Variants in PARD3B observed in about 807,000 individuals in gnomAD.
PARD3B encodes par-3 family cell polarity regulator beta.
Under a neutral mutation model 130.2 loss-of-function variants are expected in PARD3B, and 103 were observed. The ratio of observed to expected loss-of-function variants is 0.79; its 90% CI spans 0.67 to 0.93. PARD3B has a LOEUF of 0.93. Ranked by LOEUF, PARD3B falls within the 40% of genes least tolerant of loss-of-function variation. The probability of loss-of-function intolerance (pLI) is 0.00; values close to 1 mark genes in which losing one functional copy is unlikely to be tolerated. For missense variants in PARD3B, 1,609 were observed against 1,499.2 expected, an observed-to-expected ratio of 1.07 and a Z score of -1.21; for synonymous variants, 583 against 553.2, an observed-to-expected ratio of 1.05 and a Z score of -0.76.
At chr2:204,569,736 T>C (rs2031879109) in intron 1 of PARD3B, among the ~76,000 whole-genome samples, 1 of 152,188 alleles carries the variant, frequency 6.6e-6, no homozygotes, top group Admixed American at 6.5e-5. Context: ...CTTTAGATTG[T>C]CCCATGCAGT....
chr2:204,867,526 G>C (rs1372513476), intron 2 of PARD3B, among the ~76,000 whole-genome samples: 1 of 152,170 alleles, frequency 6.6e-6, no homozygotes, highest in Admixed American at 6.6e-5. Flanking sequence ...GCTGTATATA[G>C]TATTTTTATT....
At chr2:205,344,759 T>G (rs1438258798) in intron 18 of PARD3B, among the ~76,000 whole-genome samples, 1 of 152,220 alleles carries the variant, frequency 6.6e-6, no homozygotes. Flanking sequence ...TTTTAGGGCA[T>G]TTTGCCCTCA....
intron 21 of PARD3B, among the ~76,000 whole-genome samples, chr2:205,541,284 G>A (rs1178081125): frequency 1.0e-4 from 15 of 148,984 alleles, no homozygotes; most frequent in African/African-American, 3.7e-4. Flanking sequence ...CTCTTTCCCT[G>A]TCTACACCCC....
At position 204,689,973 on chromosome 2, in the gene PARD3B, G is replaced by A. The variant is rs187740572; in HGVS notation, c.222+3691G>A. On this transcript the variant is annotated intron_variant, in intron 2 of 22. Transcript: ENST00000406610. This position sits in a 1 kb window ranked among gnomAD's most constrained non-coding sequence, Gnocchi z 5.2. ...GGTTGGTAATAGACCAAACTGTTGAGTATAACAAAACAGTTGAGTATACAA... is the reference window on the plus strand; with the variant it reads ...GGTTGGTAATAGACCAAACTGTTGAATATAACAAAACAGTTGAGTATACAA... Among the ~76,000 whole-genome samples the A allele has an allele frequency of 3.5e-3, 532 of 152,188 alleles. 3 individuals are homozygous for A. The highest frequency in any genetic ancestry group is 0.012 in the African/African-American group (518 of 41,520).
intron 15 of PARD3B, among the ~76,000 whole-genome samples, chr2:205,215,336 A>C (rs139289701): frequency 6.6e-6 from 1 of 151,934 alleles, no homozygotes; most frequent in African/African-American, 2.4e-5. Context: ...AAATGCCAAC[A>C]TTCTTAAAAT....
intron 3 of PARD3B, among the ~76,000 whole-genome samples, chr2:205,044,110 T>A (rs1191048878): frequency 6.6e-6 from 1 of 152,108 alleles, no homozygotes; most frequent in East Asian, 1.9e-4. Flanking sequence ...TCCAATTTGA[T>A]CCATGTCCCT....
chr2:205,378,915 C>T (rs2045190709), intron 18 of PARD3B, among the ~76,000 whole-genome samples: 1 of 151,908 alleles, frequency 6.6e-6, no homozygotes, highest in Admixed American at 6.6e-5. Flanking sequence ...CAGGTGTGAG[C>T]CACCATGCCT....
intron 18 of PARD3B, among the ~76,000 whole-genome samples, chr2:205,357,407 T>G (rs974506647): frequency 6.6e-6 from 1 of 152,160 alleles, no homozygotes; most frequent in Non-Finnish European, 1.5e-5. Flanking sequence ...TCTGTCTGGC[T>G]TAGAAACATT....
At chr2:205,521,009 A>T (rs993648015) in intron 21 of PARD3B, among the ~76,000 whole-genome samples, 2 of 151,016 alleles carry the variant, frequency 1.3e-5, no homozygotes, top group African/African-American at 4.9e-5. Flanking sequence ...GATACTAATT[A>T]TCTAGTATGA....
chr2:204,909,494 A>G (rs148018993), intron 2 of PARD3B, among the ~76,000 whole-genome samples: 1 of 152,344 alleles, frequency 6.6e-6, no homozygotes, highest in Non-Finnish European at 1.5e-5. Context: ...ATAGATAAAT[A>G]TAAAGTTCAA....
Position 204,545,944 on chromosome 2 carries a change from G to T in PARD3B, c.-56G>T. The T allele has an allele frequency of 6.8e-7, 1 of 1,469,874 alleles. No homozygotes were observed. Among genetic ancestry groups the T allele is most frequent in the Non-Finnish European group, 9.0e-7 (1 of 1,112,190 alleles). 91.1% of individuals were successfully genotyped at this position (1,469,874 alleles called of 1,614,324 possible). ...GGCGTCCTCCGAGAGTGGGGGCTGC[G>T]CCCGCGGGGTCAGACACCTGTTCGG... On this transcript the variant is annotated 5_prime_UTR_variant, in exon 1 of 23. Transcript: ENST00000406610.
Position 205,233,287 on chromosome 2 carries a change from AAAAC to A in PARD3B, c.2141-12487_2141-12484del, listed in dbSNP as rs2038925792. Reference sequence around the variant, plus strand: ...CTTTAACTAGCAAAAATATTTTTCTAAAACAAAGAATTTTCCAGAAATACAAAAG... The same window carrying A: ...CTTTAACTAGCAAAAATATTTTTCTAAAAGAATTTTCCAGAAATACAAAAG... On this transcript the variant is annotated intron_variant, in intron 15 of 22. Coordinates refer to ENST00000406610, the MANE Select transcript of PARD3B (RefSeq NM_001302769.2). Among the ~76,000 whole-genome samples the A allele has an allele frequency of 4.6e-5, 7 of 152,284 alleles. 1 individual carries two copies. The highest frequency in any genetic ancestry group is 4.6e-4 in the Admixed American group (7 of 15,298).
At chr2:205,063,288 C>G (rs1308975801) in intron 4 of PARD3B, among the ~76,000 whole-genome samples, 3 of 151,410 alleles carry the variant, frequency 2.0e-5, no homozygotes, top group African/African-American at 7.3e-5. Flanking sequence ...ATCACATGCA[C>G]CCTCAAAACA....
intron 2 of PARD3B, among the ~76,000 whole-genome samples, chr2:204,954,458 GC>G (rs1198685511): frequency 6.6e-6 from 1 of 152,226 alleles, no homozygotes; most frequent in Non-Finnish European, 1.5e-5. Context: ...ATCAGCGGGA[GC>G]TCAGGCCAAT....
intron 18 of PARD3B, among the ~76,000 whole-genome samples, chr2:205,331,203 C>G (rs1309169208): frequency 2.0e-5 from 3 of 152,096 alleles, no homozygotes; most frequent in Non-Finnish European, 4.4e-5. Flanking sequence ...AACACACACA[C>G]AGACATGTGC....
rs561174896 is a variant in PARD3B at position 205,411,943 on chromosome 2, C to T, written c.2741+10820C>T. Among the ~76,000 whole-genome samples the T allele has an allele frequency of 3.3e-5, 5 of 152,164 alleles. No individual in the cohort carries two copies. The East Asian group carries it at 5.8e-4, about 18-fold the overall frequency. The stretch of plus-strand genomic sequence containing the variant: ...TGCCAGCCTCTCCAAGTCCACAGGG[C>T]GTGTGACTGCAGAAAACACTTGTAA... On this transcript the variant is annotated intron_variant, in intron 19 of 22. Transcript: ENST00000406610.
chr2:204,593,388 A>G (rs1222647967), intron 1 of PARD3B, among the ~76,000 whole-genome samples: 2 of 152,112 alleles, frequency 1.3e-5, no homozygotes, highest in Non-Finnish European at 1.5e-5. Context: ...ATCTTGTAAT[A>G]TCCTCCACAG....
At chr2:205,403,928 T>C (rs1489939338) in intron 19 of PARD3B, among the ~76,000 whole-genome samples, 7 of 110,066 alleles carry the variant, frequency 6.4e-5, no homozygotes, top group Admixed American at 4.5e-4. Flanking sequence ...GTAAACAAAT[T>C]AGAAACCCTA....
chr2:204,785,569 A>G (rs2041979952), intron 2 of PARD3B, among the ~76,000 whole-genome samples: 1 of 152,140 alleles, frequency 6.6e-6, no homozygotes, highest in Non-Finnish European at 1.5e-5. Context: ...ACCCATAAAA[A>G]TACTTGCTGT....
Sources: allele counts gnomAD v4.1 joint callset (sites outside exome capture counted in the v4.1 genomes callset), GRCh38; gene constraint gnomAD v4.1.1; non-coding constraint Gnocchi (gnomAD v3.1); transcripts MANE v1.5; gene names NCBI Gene and HGNC (gene_info 2026-07-23, HGNC 2026-07-21).